Variants in RP1 observed in about 807,000 individuals in gnomAD.
RP1 encodes the protein RP1 axonemal microtubule associated.
A neutral mutation model predicts 14.8 loss-of-function variants in RP1; 16 were observed. That is an observed-to-expected ratio of 1.08 (90% CI 0.73 to 1.65). The LOEUF is 1.65. Among genes scored for constraint, RP1 ranks in the 40% most tolerant of loss-of-function variants. The probability of loss-of-function intolerance (pLI) is 0.00; values close to 1 mark genes in which losing one functional copy is unlikely to be tolerated. For missense variants in RP1, 2,631 were observed against 2,535.0 expected (o/e 1.04, Z -0.81); for synonymous variants, 876 against 883.6 (o/e 0.99, Z 0.15).
intron 27 of RP1, among the ~76,000 whole-genome samples, chr8:54,857,395 A>C (rs1020333873): frequency 2.0e-5 from 3 of 148,402 alleles, no homozygotes; most frequent in African/African-American, 7.3e-5. Flanking sequence ...TTTAATGTAG[A>C]TTTATGATAT....
chr8:54,606,837 G>A (rs569253192), intron 1 of RP1, among the ~76,000 whole-genome samples: 19 of 152,040 alleles, frequency 1.2e-4, no homozygotes, highest in African/African-American at 3.6e-4. Context: ...TGATCGAATC[G>A]GCTACTGAGG....
chr8:54,824,948 T>C lies in RP1; in HGVS notation c.3616-12502T>C, dbSNP rs185432497. 3.6e-3 allele frequency among the ~76,000 whole-genome samples: 496 copies of C among 139,604 alleles called. 2 individuals are homozygous for C. Among genetic ancestry groups the C allele is most frequent in the African/African-American group, 0.011 (434 of 39,014 alleles). The allele number at this position is 139,604 out of a possible 152,430, so 91.6% of individuals were successfully genotyped here. ...CTACAAATACTCAGAGCTAACACTA[T>C]TCTTTTTCTTTCTTTTTTTTTTTTA... On this transcript the variant is annotated intron_variant, in intron 24 of 28. Transcript: ENST00000637698.
At chr8:54,694,224 T>C (rs1307622303) in intron 12 of RP1, among the ~76,000 whole-genome samples, 1 of 152,216 alleles carries the variant, frequency 6.6e-6, no homozygotes, top group East Asian at 1.9e-4. Context: ...AGTTTGCCAG[T>C]ATTTTATTGA....
intron 24 of RP1, among the ~76,000 whole-genome samples, chr8:54,833,504 A>G (rs959639066): frequency 5.3e-5 from 8 of 152,032 alleles, no homozygotes; most frequent in African/African-American, 1.9e-4. Context: ...ATTACAATCC[A>G]TTTATATTTT....
In RP1 at chr8:54,696,587, C is replaced by T. The variant is rs1253020604; in HGVS notation, c.1718-2880C>T. On this transcript the variant is annotated intron_variant, in intron 12 of 22. Transcript: ENST00000636932. ...CCTACATGACTCCTGGCAGCAGAAA[C>T]GTGACAAAGTACGTCTCAGATGACC... 3.3e-5 allele frequency: 24 copies of T among 732,274 alleles called. No individual in the cohort carries two copies. In the Admixed American group the frequency reaches 4.4e-4, roughly 13 times the overall value. The allele number at this position is 732,274 out of a possible 1,614,324, so 45.4% of individuals were successfully genotyped here. A position where few individuals can be genotyped will look rare whatever the true frequency, so the allele number is the denominator to read the frequency against.
chr8:54,652,069 A>G (rs1247002484), intron 4 of RP1, among the ~76,000 whole-genome samples: 3 of 150,810 alleles, frequency 2.0e-5, no homozygotes, highest in African/African-American at 7.3e-5. Flanking sequence ...GTGCAGTGGC[A>G]TGATCTCAGC....
intron 24 of RP1, among the ~76,000 whole-genome samples, chr8:54,814,944 G>A (rs1288062090): frequency 2.0e-5 from 3 of 152,234 alleles, no homozygotes; most frequent in Admixed American, 6.5e-5. Flanking sequence ...AGGAGGCAGA[G>A]GTTGCAGTGA....
intron 24 of RP1, among the ~76,000 whole-genome samples, chr8:54,807,537 G>C (rs1585709351): frequency 1.3e-5 from 2 of 152,050 alleles, no homozygotes; most frequent in African/African-American, 4.8e-5. Context: ...CGTTAACTTA[G>C]AGAGGTACCT....
At chr8:54,755,356 G>C (rs1004055041) in intron 20 of RP1, among the ~76,000 whole-genome samples, 1 of 152,108 alleles carries the variant, frequency 6.6e-6, no homozygotes, top group Non-Finnish European at 1.5e-5. Context: ...ATACATAGAA[G>C]AACAACCTTA....
chr8:54,644,159 C>T (rs978824554), intron 3 of RP1, among the ~76,000 whole-genome samples: 2 of 152,032 alleles, frequency 1.3e-5, no homozygotes, highest in African/African-American at 4.8e-5. Context: ...AATGATGGGA[C>T]AGGCATAGGA....
At chr8:54,678,715 T>A (rs748851072) in intron 9 of RP1, among the ~76,000 whole-genome samples, 2 of 152,190 alleles carry the variant, frequency 1.3e-5, no homozygotes, top group Non-Finnish European at 2.9e-5. Flanking sequence ...ATTATGTTTA[T>A]CATCATTCCT....
chr8:54,591,149 C>A (rs1371454824), intron 1 of RP1, among the ~76,000 whole-genome samples: 1 of 152,204 alleles, frequency 6.6e-6, no homozygotes, highest in Non-Finnish European at 1.5e-5. Context: ...GCTGTTCTAA[C>A]ACCCATGCTC....
At position 54,672,518 on chromosome 8, in the gene RP1, T is replaced by C. The variant is rs181366274; in HGVS notation, c.1324-1332T>C. ...TAAAGTTTTCAAAAAAAGAGTATTC[T>C]AGTTCTTACATTATTGTTAACTTAG... On this transcript the variant is annotated intron_variant, in intron 7 of 22. Transcript: ENST00000636932. 5.9e-5 allele frequency among the ~76,000 whole-genome samples: 9 copies of C among 152,340 alleles called. No individual in the cohort carries two copies. The South Asian group carries it at 8.3e-4, about 14-fold the overall frequency.
rs1450824942 is a variant in RP1, at chr8:54,754,940, G to GTT, written c.2941+9_2941+10dup. Reference sequence around the variant, plus strand: ...GAGGACAAGCTATTTTTCCATGTGTGTTTTTAATCTTCAGTAGCATCTATT... The same window carrying GTT: ...GAGGACAAGCTATTTTTCCATGTGTGTTTTTTTAATCTTCAGTAGCATCTATT... On this transcript the variant is annotated splice_donor_region_variant and intron_variant, in intron 20 of 22. Coordinates refer to the RP1 transcript ENST00000636932. The GTT allele has an allele frequency of 2.0e-6, 3 of 1,517,342 alleles. No homozygotes were observed. In the African/African-American group the frequency reaches 4.2e-5, roughly 21 times the overall value. The allele number at this position is 1,517,342 out of a possible 1,614,324, so 94.0% of individuals were successfully genotyped here. A position where few individuals can be genotyped will look rare whatever the true frequency, so the allele number is the denominator to read the frequency against.
chr8:54,717,460 G>A (rs1431772980), intron 15 of RP1, among the ~76,000 whole-genome samples: 1 of 152,070 alleles, frequency 6.6e-6, no homozygotes, highest in Non-Finnish European at 1.5e-5. Flanking sequence ...CCTAAAATCT[G>A]GGAAGTAATG....
At chr8:54,605,334 T>C (rs1805405023) in intron 1 of RP1, among the ~76,000 whole-genome samples, 1 of 152,244 alleles carries the variant, frequency 6.6e-6, no homozygotes, top group Non-Finnish European at 1.5e-5. Context: ...TCAATTTCCA[T>C]GTAGTTGAGC....
At chr8:54,741,147 GT>G (rs577316904) in intron 19 of RP1, among the ~76,000 whole-genome samples, 38 of 152,106 alleles carry the variant, frequency 2.5e-4, no homozygotes, top group Non-Finnish European at 4.7e-4. Context: ...GAGTCAAAAA[GT>G]TTTTAAAAAA....
At chr8:54,663,648 T>C in intron 6 of RP1, 2 of 1,398,802 alleles carry the variant, frequency 1.4e-6, no homozygotes, top group Non-Finnish European at 1.8e-6. Context: ...TGTAATTTTC[T>C]GTTATATGAG....
At position 54,625,013 on chromosome 8, in the gene RP1, A is replaced by G. The variant is rs768707751; in HGVS notation, c.1131A>G (p.Ser377=). The change falls in exon 4 of 4, where the codon TCA becomes TCG. Residue 377 remains serine (S), a synonymous_variant. Transcript: ENST00000220676. ...MSFPGRTESR[S]SGLKLAACSF... is the part of the protein sequence containing the mutation. The stretch of plus-strand genomic sequence containing the variant: ...TTCCAGGAAGAACAGAAAGTCGATC[A>G]TCTGGTTTAAAGCTTGCAGCATGTT... 1 of 1,614,090 alleles carries G rather than the reference A, an allele frequency of 6.2e-7. No homozygotes were observed. The highest frequency in any genetic ancestry group is 2.2e-5 in the East Asian group (1 of 44,900).
Sources: allele counts gnomAD v4.1 joint callset (sites outside exome capture counted in the v4.1 genomes callset), GRCh38; gene constraint gnomAD v4.1.1; transcripts MANE v1.5; gene names NCBI Gene and HGNC (gene_info 2026-07-23, HGNC 2026-07-21).